Variants in RPE observed in about 807,000 individuals in gnomAD.
RPE encodes ribulose-5-phosphate-3-epimerase, also known as ribulose-phosphate 3-epimerase.
RPE carries 16 observed loss-of-function variants against 24.6 expected under a neutral mutation model. The observed-to-expected ratio is 0.65, with a 90% CI of 0.44 to 0.99. RPE has a LOEUF of 0.99. Among genes scored for constraint, RPE ranks in the 50% least tolerant of loss-of-function variants. The probability of loss-of-function intolerance (pLI) is 0.00; values close to 1 mark genes in which losing one functional copy is unlikely to be tolerated. For missense variants in RPE, 240 were observed against 294.5 expected (o/e 0.81, Z 1.35); for synonymous variants, 93 against 98.4 (o/e 0.94, Z 0.33).
chr2:210,018,228 C>G, intron 5 of RPE: 1 of 1,529,838 alleles, frequency 6.5e-7, no homozygotes, highest in Non-Finnish European at 8.7e-7. Context: ...AAAGGTACTA[C>G]CAAGGGGGGA....
At chr2:210,016,355 G>A (rs2093772213) in intron 3 of RPE, 152 bp from the exon 4 acceptor site, 4 of 1,563,828 alleles carry the variant, frequency 2.6e-6, no homozygotes, top group Non-Finnish European at 3.5e-6. Context: ...AAAGTTTTCT[G>A]AAAGCTACTG....
At chr2:210,012,711 C>G (rs1418476103) in intron 2 of RPE, among the ~76,000 whole-genome samples, 1 of 152,194 alleles carries the variant, frequency 6.6e-6, no homozygotes, top group Non-Finnish European at 1.5e-5. Context: ...CTAAATGAGG[C>G]TGTCTCTTCA....
At chr2:210,013,893 G>A (rs1319093198) in intron 2 of RPE, among the ~76,000 whole-genome samples, 4 of 152,096 alleles carry the variant, frequency 2.6e-5, no homozygotes, top group South Asian at 2.1e-4. Flanking sequence ...AATAGATTAT[G>A]ATTATAATAG....
Position 210,006,891 on chromosome 2 carries a change from T to C in RPE, c.123-2766T>C, listed in dbSNP as rs1254000854. On this transcript the variant is annotated intron_variant, in intron 1 of 5. Transcript: ENST00000359429. ...AGACCAAGGTGTTATTGAGTGAAAG[T>C]GTCTGTTCCCATCCACCTTATGTGT... is the stretch of plus-strand genomic sequence containing the variant. Among the ~76,000 whole-genome samples, 3 of 152,094 alleles carry C rather than the reference T, an allele frequency of 2.0e-5. No individual in the cohort carries two copies. The South Asian group carries it at 6.2e-4, about 31-fold the overall frequency.
At chr2:210,011,785 C>T (rs1227245771) in intron 2 of RPE, among the ~76,000 whole-genome samples, 1 of 151,848 alleles carries the variant, frequency 6.6e-6, no homozygotes, top group Non-Finnish European at 1.5e-5. Flanking sequence ...AATCCTCCCG[C>T]CACAGCTATA....
chr2:210,019,560 T>A lies in RPE; in HGVS notation c.565-109T>A, dbSNP rs1008186971. 5.3e-5 allele frequency: 70 copies of A among 1,328,776 alleles called. 1 individual carries two copies. Among genetic ancestry groups the A allele is most frequent in the Non-Finnish European group, 6.2e-5 (62 of 992,292 alleles). The allele number at this position is 1,328,776 out of a possible 1,614,324, so 82.3% of individuals were successfully genotyped here. A position where few individuals can be genotyped will look rare whatever the true frequency, so the allele number is the denominator to read the frequency against. ...GCTTAATCTCAAAGTGGCTCTCATA[T>A]GATTGAAATGTTGACAGATGCAAGG... On this transcript the variant is annotated intron_variant, in intron 5 of 5. Coordinates refer to ENST00000359429, the MANE Select transcript of RPE (RefSeq NM_199229.3).
chr2:210,018,647 C>T (rs76580511), intron 5 of RPE: 33 of 985,100 alleles, frequency 3.3e-5, no homozygotes, highest in South Asian at 9.4e-5. Context: ...TCCTTTTGAT[C>T]GCTTGTGGAA....
At chr2:210,002,805 C>G in intron 1 of RPE, 22 bp downstream of exon 1, 1 of 1,614,088 alleles carries the variant, frequency 6.2e-7, no homozygotes, top group African/African-American at 1.3e-5. Flanking sequence ...GGGCTCCGGT[C>G]GGGCTTGCCG....
At chr2:210,007,355 T>C (rs2093643862) in intron 1 of RPE, among the ~76,000 whole-genome samples, 1 of 152,236 alleles carries the variant, frequency 6.6e-6, no homozygotes, top group Admixed American at 6.5e-5. Context: ...GCCTGTCTTG[T>C]CATTCTTAGT....
At chr2:210,006,740 C>G (rs1235687467) in intron 1 of RPE, among the ~76,000 whole-genome samples, 1 of 152,228 alleles carries the variant, frequency 6.6e-6, no homozygotes. Flanking sequence ...ATAGGCCTTA[C>G]TGCCTGCTTC....
At chr2:210,014,106 T>G (rs1389442536) in intron 2 of RPE, among the ~76,000 whole-genome samples, 1 of 152,010 alleles carries the variant, frequency 6.6e-6, no homozygotes, top group Non-Finnish European at 1.5e-5. Context: ...TTTGTTTTTT[T>G]TTTGAGATGG....
chr2:210,007,674 G>T (rs906403992), intron 1 of RPE, among the ~76,000 whole-genome samples: 5 of 151,942 alleles, frequency 3.3e-5, no homozygotes, highest in Non-Finnish European at 5.9e-5. Flanking sequence ...ATCCTATTTT[G>T]TAAATCTCAT....
chr2:210,020,035 AT>A lies in RPE; in HGVS notation c.*249del. On this transcript the variant is annotated 3_prime_UTR_variant, in exon 6 of 6. Transcript: ENST00000359429. ...GATACTGTTTTTATTGAGAGATTTG[AT>A]TTTTATAAAGTAAAAATACGGCTGC... The A allele has an allele frequency of 3.1e-6, 1 of 323,190 alleles. No individual in the cohort carries two copies. The highest frequency in any genetic ancestry group is 5.7e-6 in the Non-Finnish European group (1 of 174,554). The allele number at this position is 323,190 out of a possible 1,614,324, so 20.0% of individuals were successfully genotyped here.
At chr2:210,002,828 G>C in intron 1 of RPE, 45 bp downstream of exon 1, 1 of 1,614,006 alleles carries the variant, frequency 6.2e-7, no homozygotes, top group Non-Finnish European at 8.5e-7. Flanking sequence ...CGGCGGGGCG[G>C]ATCAGTGCAC....
chr2:210,009,913 TA>T (rs1379962358), intron 2 of RPE, among the ~76,000 whole-genome samples, 177 bp downstream of exon 2: 20 of 152,230 alleles, frequency 1.3e-4, no homozygotes, highest in Admixed American at 9.8e-4. Context: ...GGGCCTTGGC[TA>T]ATCTGCATGG....
intron 5 of RPE, 87 bp from the exon 6 acceptor site, chr2:210,019,582 A>C (rs577191412): frequency 6.8e-7 from 1 of 1,474,276 alleles, no homozygotes; most frequent in East Asian, 2.3e-5. Context: ...TGACAGATGC[A>C]AGGGTAGACA....
At chr2:210,009,448 T>C (rs1434351207) in intron 1 of RPE, among the ~76,000 whole-genome samples, 2 of 152,194 alleles carry the variant, frequency 1.3e-5, no homozygotes, top group Admixed American at 1.3e-4. Context: ...TGAAAATATA[T>C]GTGACGTGAT....
intron 2 of RPE, among the ~76,000 whole-genome samples, chr2:210,014,320 A>C (rs1226993503): frequency 6.6e-6 from 1 of 151,158 alleles, no homozygotes; most frequent in Non-Finnish European, 1.5e-5. Flanking sequence ...CGATCTCCTG[A>C]CCTCGTGATC....
intron 2 of RPE, among the ~76,000 whole-genome samples, chr2:210,010,825 T>C (rs1246620151): frequency 1.3e-5 from 2 of 151,904 alleles, no homozygotes; most frequent in Non-Finnish European, 2.9e-5. Flanking sequence ...GGCTGAGGCA[T>C]GAGAATCACT....
Sources: gnomAD v4.1 joint callset for allele counts (sites outside exome capture counted in the v4.1 genomes callset) on GRCh38, gnomAD v4.1.1 for gene constraint, MANE v1.5 for transcripts, NCBI Gene and HGNC (gene_info 2026-07-23, HGNC 2026-07-21) for gene names.